TEX9: variants seen among roughly 807,000 people sequenced by gnomAD.
The protein encoded by TEX9 is testis-expressed protein 9.
TEX9 carries 74 observed loss-of-function variants against 59.6 expected under a neutral mutation model. That is an observed-to-expected ratio of 1.24 (90% CI 1.03 to 1.51). The LOEUF (loss-of-function observed/expected upper bound fraction) is 1.51. TEX9 is among the 40% of genes most tolerant of loss of function. The probability of loss-of-function intolerance (pLI) is 0.00; values close to 1 mark genes in which losing one functional copy is unlikely to be tolerated. For synonymous variants in TEX9, 186 were observed against 152.2 expected, an observed-to-expected ratio of 1.22 and a Z score of -1.64; for missense variants, 522 against 447.8, an observed-to-expected ratio of 1.17 and a Z score of -1.49.
chr15:56,369,814 CT>C (rs2141994677), intron 2 of TEX9, among the ~76,000 whole-genome samples: 1 of 152,132 alleles, frequency 6.6e-6, no homozygotes, highest in African/African-American at 2.4e-5. Flanking sequence ...GTATCCTCAC[CT>C]TTTTTCTTGT....
chr15:56,425,051 T>A lies in TEX9; in HGVS notation c.964-2554T>A, dbSNP rs565338773. Among the ~76,000 whole-genome samples the A allele has an allele frequency of 1.3e-3, 199 of 152,260 alleles. 1 individual carries two copies. Among genetic ancestry groups the A allele is most frequent in the African/African-American group, 4.7e-3 (196 of 41,550 alleles). On this transcript the variant is annotated intron_variant, in intron 10 of 12. Coordinates refer to ENST00000352903, the Ensembl canonical transcript of TEX9. ...TCTAGGTTTTTTTCTTTCAGCCCTT[T>A]AAATATATCATCCTACTGACTTCTG... is the stretch of plus-strand genomic sequence containing the variant.
chr15:56,380,311 CACTTT>C (rs1462790681), intron 3 of TEX9, among the ~76,000 whole-genome samples: 1 of 152,176 alleles, frequency 6.6e-6, no homozygotes, highest in African/African-American at 2.4e-5. Flanking sequence ...ACAAACTCTA[CACTTT>C]ACTTTTATCT....
intron 1 of TEX9, among the ~76,000 whole-genome samples, chr15:56,247,455 A>G (rs2043887055): frequency 6.6e-6 from 1 of 152,188 alleles, no homozygotes. Context: ...TGTTGGATGA[A>G]TAGGAGTTGA....
At chr15:56,427,022 G>A (rs761737792) in intron 10 of TEX9, among the ~76,000 whole-genome samples, 10 of 152,080 alleles carry the variant, frequency 6.6e-5, no homozygotes, top group Non-Finnish European at 1.2e-4. Flanking sequence ...AGGGAAATAC[G>A]TATGCATGTT....
At chr15:56,411,607 C>T (rs1438690095) in intron 9 of TEX9, among the ~76,000 whole-genome samples, 1 of 152,068 alleles carries the variant, frequency 6.6e-6, no homozygotes, top group Non-Finnish European at 1.5e-5. Flanking sequence ...TGGGAGAGAT[C>T]CAGTTACTGC....
At chr15:56,404,283 T>C (rs1016759103) in intron 9 of TEX9, among the ~76,000 whole-genome samples, 1 of 152,044 alleles carries the variant, frequency 6.6e-6, no homozygotes, top group African/African-American at 2.4e-5. Context: ...CTTAAACAAA[T>C]TTACAAGAAG....
At chr15:56,436,231 A>T (rs2140336405) in intron 12 of TEX9, among the ~76,000 whole-genome samples, 1 of 152,302 alleles carries the variant, frequency 6.6e-6, no homozygotes, top group African/African-American at 2.4e-5. Flanking sequence ...GCAAATGTAA[A>T]AGAACAGAAA....
chr15:56,299,471 A>G (rs1258079343), intron 1 of TEX9, among the ~76,000 whole-genome samples: 2 of 152,196 alleles, frequency 1.3e-5, no homozygotes, highest in African/African-American at 4.8e-5. Flanking sequence ...AAGGACTAGA[A>G]TTCCTGGTCA....
At chr15:56,383,848 T>G (rs867367744) in intron 3 of TEX9, 104 bp from the exon 4 acceptor site, 1 of 798,364 alleles carries the variant, frequency 1.3e-6, no homozygotes, top group Non-Finnish European at 2.0e-6. Flanking sequence ...TATGGAAACC[T>G]TGGACAATTC....
intron 1 of TEX9, among the ~76,000 whole-genome samples, chr15:56,266,315 G>A (rs1180050947): frequency 2.6e-5 from 4 of 151,114 alleles, no homozygotes; most frequent in African/African-American, 9.7e-5. Context: ...TAGTAGAGAT[G>A]GGGTTTCTTT....
At chr15:56,434,126 A>G (rs1257999898) in intron 12 of TEX9, 1 of 1,605,498 alleles carries the variant, frequency 6.2e-7, no homozygotes, top group South Asian at 1.1e-5. Flanking sequence ...AAACCCCACA[A>G]CTTTTTCTTA....
At chr15:56,248,589 C>T (rs2043924085) in intron 1 of TEX9, among the ~76,000 whole-genome samples, 1 of 152,060 alleles carries the variant, frequency 6.6e-6, no homozygotes, top group South Asian at 2.1e-4. Flanking sequence ...AGAAATTTTC[C>T]ACTGTTGGTA....
intron 1 of TEX9, among the ~76,000 whole-genome samples, chr15:56,352,454 T>C (rs1359488902): frequency 2.0e-5 from 3 of 151,896 alleles, no homozygotes; most frequent in Non-Finnish European, 4.4e-5. Context: ...TGTTTCACCA[T>C]GTTGGCCAGG....
At chr15:56,261,590 T>C (rs546519661) in intron 1 of TEX9, among the ~76,000 whole-genome samples, 2 of 152,162 alleles carry the variant, frequency 1.3e-5, no homozygotes, top group Non-Finnish European at 1.5e-5. Context: ...CAGTAGCATG[T>C]GCCTGTAGTC....
chr15:56,244,228 A>G (rs1362871254), exon 1 of TEX9: 7 of 152,238 alleles, frequency 4.6e-5, no homozygotes, highest in African/African-American at 1.7e-4. Flanking sequence ...TCCCCTGCAC[A>G]TGCATGTGAG....
At chr15:56,446,767 A>C (rs1464201911), downstream of TEX9, 18 of 1,143,564 alleles carry the variant, frequency 1.6e-5, no homozygotes, top group Non-Finnish European at 2.3e-5. Flanking sequence ...ACAATATGAC[A>C]ATTTTTTAAG....
At chr15:56,324,139 A>G (rs1187154444) in intron 1 of TEX9, among the ~76,000 whole-genome samples, 2 of 151,878 alleles carry the variant, frequency 1.3e-5, no homozygotes, top group African/African-American at 2.4e-5. Flanking sequence ...TGTCTCTTAC[A>G]CAAAATAATT....
intron 12 of TEX9, among the ~76,000 whole-genome samples, chr15:56,431,003 A>T (rs1377380539): frequency 1.3e-5 from 2 of 152,180 alleles, no homozygotes; most frequent in Non-Finnish European, 2.9e-5. Flanking sequence ...CTTACCAAAA[A>T]TACAAAAATT....
At position 56,394,260 on chromosome 15, in the gene TEX9, A is replaced by G. The variant is rs755875923; in HGVS notation, c.654+13A>G. The G allele has an allele frequency of 1.3e-6, 2 of 1,586,798 alleles. No homozygotes were observed. The highest frequency in any genetic ancestry group is 1.7e-6 in the Non-Finnish European group (2 of 1,166,992). On this transcript the variant is annotated intron_variant, in intron 8 of 12. Coordinates refer to ENST00000352903, the Ensembl canonical transcript of TEX9. ...ATGCAATAAAAAGGTAAGTTTTAAAAACCTCTTAAAAGGCTCTAATATTCA... is the reference window on the plus strand; with the variant it reads ...ATGCAATAAAAAGGTAAGTTTTAAAGACCTCTTAAAAGGCTCTAATATTCA...
Sources: allele counts gnomAD v4.1 joint callset (sites outside exome capture counted in the v4.1 genomes callset), GRCh38; gene constraint gnomAD v4.1.1; transcripts MANE v1.5; gene names NCBI Gene and HGNC (gene_info 2026-07-23, HGNC 2026-07-21).